NKAIN2: variants seen among roughly 807,000 people sequenced by gnomAD.
NKAIN2 encodes the protein sodium/potassium-transporting ATPase subunit beta-1-interacting protein 2.
Under a neutral mutation model 32.6 loss-of-function variants are expected in NKAIN2, and 14 were observed. The ratio of observed to expected loss-of-function variants is 0.43; its 90% CI spans 0.28 to 0.67. NKAIN2 has a LOEUF of 0.67. NKAIN2 is among the 30% of genes least tolerant of loss of function. The pLI is 0.17. For synonymous variants in NKAIN2, 80 were observed against 87.2 expected, an observed-to-expected ratio of 0.92 and a Z score of 0.46; for missense variants, 198 against 258.3, an observed-to-expected ratio of 0.77 and a Z score of 1.60.
chr6:124,783,724 A>G (rs1257893046), intron 4 of NKAIN2, among the ~76,000 whole-genome samples: 1 of 152,188 alleles, frequency 6.6e-6, no homozygotes, highest in East Asian at 1.9e-4. Context: ...AATAACACTG[A>G]TATAATCACA....
At chr6:123,950,913 TGTAA>T (rs1777296881) in intron 1 of NKAIN2, among the ~76,000 whole-genome samples, 1 of 151,988 alleles carries the variant, frequency 6.6e-6, no homozygotes, top group African/African-American at 2.4e-5. Flanking sequence ...ACTTTTCTGA[TGTAA>T]GTGTTTATTG....
intron 3 of NKAIN2, among the ~76,000 whole-genome samples, chr6:124,409,763 G>A (rs1774065067): frequency 6.6e-6 from 1 of 152,156 alleles, no homozygotes; most frequent in Non-Finnish European, 1.5e-5. Context: ...GTTTCAGAAG[G>A]AATGGTACCA....
chr6:124,135,515 T>TAA (rs56183476), intron 1 of NKAIN2, among the ~76,000 whole-genome samples: 39 of 100,324 alleles, frequency 3.9e-4, no homozygotes, highest in Non-Finnish European at 5.6e-4. Context: ...GCAACGATAG[T>TAA]AAAAAAAAAA....
intron 3 of NKAIN2, among the ~76,000 whole-genome samples, chr6:124,588,894 T>G (rs546928915): frequency 6.6e-6 from 1 of 152,306 alleles, no homozygotes; most frequent in East Asian, 1.9e-4. Context: ...ATAATAAAAA[T>G]GTATTGTTCA....
intron 1 of NKAIN2, among the ~76,000 whole-genome samples, chr6:124,122,972 T>G (rs1461073926): frequency 6.6e-6 from 1 of 152,176 alleles, no homozygotes; most frequent in Non-Finnish European, 1.5e-5. Flanking sequence ...AATAAGTGAT[T>G]AGAAATTAAT....
At chr6:123,880,972 T>G (rs772945085) in intron 1 of NKAIN2, among the ~76,000 whole-genome samples, 2 of 152,298 alleles carry the variant, frequency 1.3e-5, no homozygotes, top group Non-Finnish European at 1.5e-5. Flanking sequence ...CAAAGTTATA[T>G]TACAGGGTGG....
intron 1 of NKAIN2, among the ~76,000 whole-genome samples, chr6:123,826,239 AT>A (rs1447864459): frequency 6.6e-6 from 1 of 152,198 alleles, no homozygotes; most frequent in South Asian, 2.1e-4. Flanking sequence ...GAAATCTGAA[AT>A]ATAAAAATAT....
rs1361699667 is a variant in NKAIN2, at chr6:124,541,526, AAGAC to A, written c.274-116656_274-116653del. Among the ~76,000 whole-genome samples, 14 of 152,330 alleles carry A rather than the reference AAGAC, an allele frequency of 9.2e-5. 2 individuals carry two copies. Among genetic ancestry groups the A allele is most frequent in the Admixed American group, 2.6e-4 (4 of 15,304 alleles). ...ATACAATTTGGAGCATGTACACAGA[AAGAC>A]AGATTTGAGGAAAAGTATGTGCTTT... On this transcript the variant is annotated intron_variant, in intron 3 of 6. Transcript: ENST00000368417.
rs1254335179 is a variant in NKAIN2, at chr6:124,561,803, C to T, written c.274-96383C>T. On this transcript the variant is annotated intron_variant, in intron 3 of 6. Transcript: ENST00000368417. Reference sequence around the variant, plus strand: ...CGTTTTGAAAATATACTGGGTGGCTCCTTTGCACTTGTGGACTATTAACAG... The same window carrying T: ...CGTTTTGAAAATATACTGGGTGGCTTCTTTGCACTTGTGGACTATTAACAG... Among the ~76,000 whole-genome samples the T allele has an allele frequency of 2.0e-5, 3 of 152,260 alleles. No individual in the cohort carries two copies. In the East Asian group the frequency reaches 5.8e-4, roughly 29 times the overall value.
At chr6:124,348,767 C>A (rs1309355795) in intron 2 of NKAIN2, among the ~76,000 whole-genome samples, 1 of 152,192 alleles carries the variant, frequency 6.6e-6, no homozygotes, top group African/African-American at 2.4e-5. Context: ...GTGCAGTGCA[C>A]CTTGCATGAG....
At chr6:123,852,361 C>T (rs1775384614) in intron 1 of NKAIN2, among the ~76,000 whole-genome samples, 1 of 152,032 alleles carries the variant, frequency 6.6e-6, no homozygotes, top group Admixed American at 6.5e-5. Flanking sequence ...TTGACTATTG[C>T]ACCTCTGATA....
intron 1 of NKAIN2, among the ~76,000 whole-genome samples, chr6:124,196,938 G>T (rs1409749677): frequency 6.6e-6 from 1 of 151,708 alleles, no homozygotes. Context: ...ACATGCACAA[G>T]AACATATTCA....
At chr6:124,140,242 A>G (rs1787068034) in intron 1 of NKAIN2, among the ~76,000 whole-genome samples, 1 of 152,224 alleles carries the variant, frequency 6.6e-6, no homozygotes, top group Non-Finnish European at 1.5e-5. Context: ...TAGTATCCTT[A>G]TTATGGCATT....
chr6:124,672,824 C>T (rs567997031), intron 4 of NKAIN2, among the ~76,000 whole-genome samples: 3 of 152,120 alleles, frequency 2.0e-5, no homozygotes, highest in Non-Finnish European at 4.4e-5. Context: ...TTCTCTAAGC[C>T]TCAGTTTCCT....
At chr6:123,889,357 CTACCCCAGAAT>C (rs898535448) in intron 1 of NKAIN2, among the ~76,000 whole-genome samples, 14 of 152,204 alleles carry the variant, frequency 9.2e-5, no homozygotes, top group African/African-American at 2.9e-4. Context: ...TTGCCCTTTT[CTACCCCAGAAT>C]GACCTGAAAT....
At chr6:124,401,210 T>C (rs1270321660) in intron 3 of NKAIN2, among the ~76,000 whole-genome samples, 3 of 152,178 alleles carry the variant, frequency 2.0e-5, no homozygotes, top group African/African-American at 4.8e-5. Flanking sequence ...CTGAGGAGTA[T>C]ATAATCTTAG....
chr6:124,560,420 T>C (rs746726328), intron 3 of NKAIN2, among the ~76,000 whole-genome samples: 1 of 152,210 alleles, frequency 6.6e-6, no homozygotes, highest in African/African-American at 2.4e-5. Context: ...CCTTTATAAA[T>C]TACACAGCCT....
At chr6:124,785,119 G>C (rs1779441801) in intron 4 of NKAIN2, among the ~76,000 whole-genome samples, 1 of 152,012 alleles carries the variant, frequency 6.6e-6, no homozygotes, top group Non-Finnish European at 1.5e-5. Context: ...GAGGCTCTGT[G>C]CATGTTTTCC....
chr6:124,395,897 G>A (rs780752665), intron 3 of NKAIN2, among the ~76,000 whole-genome samples: 2 of 151,996 alleles, frequency 1.3e-5, no homozygotes, highest in African/African-American at 2.4e-5. Context: ...ATTTAGTCTT[G>A]TGGTGATATA....
Sources: gnomAD v4.1 joint callset for allele counts (sites outside exome capture counted in the v4.1 genomes callset) on GRCh38, gnomAD v4.1.1 for gene constraint, MANE v1.5 for transcripts, NCBI Gene and HGNC (gene_info 2026-07-23, HGNC 2026-07-21) for gene names.